Variants in CDK6 observed in about 807,000 individuals in gnomAD.
CDK6 encodes cyclin-dependent kinase 6.
A neutral mutation model predicts 37.1 loss-of-function variants in CDK6; 6 were observed. The observed-to-expected ratio is 0.16, with a 90% CI of 0.09 to 0.32. CDK6 has a LOEUF of 0.32. Ranked by LOEUF, CDK6 falls within the 10% of genes least tolerant of loss-of-function variation. CDK6 has a pLI of 1.00. For missense variants in CDK6, 224 were observed against 418.9 expected (o/e 0.53, Z 4.06); for synonymous variants, 160 against 161.3 (o/e 0.99, Z 0.06).
intron 4 of CDK6, among the ~76,000 whole-genome samples, chr7:92,701,167 G>A (rs1156611976): frequency 3.3e-5 from 5 of 152,202 alleles, no homozygotes; most frequent in Admixed American, 6.5e-5. Flanking sequence ...ACCAGGATCC[G>A]GAGAGGATCA....
chr7:92,681,134 T>A (rs78995809), intron 4 of CDK6, among the ~76,000 whole-genome samples: 1 of 152,172 alleles, frequency 6.6e-6, no homozygotes, highest in African/African-American at 2.4e-5. Context: ...TAACTTAATA[T>A]CTTTGAGTAA....
chr7:92,690,705 G>T (rs1300954663), intron 4 of CDK6, among the ~76,000 whole-genome samples: 1 of 152,032 alleles, frequency 6.6e-6, no homozygotes, highest in African/African-American at 2.4e-5. Flanking sequence ...ACAACGTATG[G>T]GGTTGAGCAC....
At chr7:92,755,182 C>T (rs987802567) in intron 3 of CDK6, among the ~76,000 whole-genome samples, 1 of 152,038 alleles carries the variant, frequency 6.6e-6, no homozygotes, top group African/African-American at 2.4e-5. Flanking sequence ...TGTTGATAGC[C>T]GACACTCCTT....
At chr7:92,713,291 A>G (rs1455250176) in intron 4 of CDK6, among the ~76,000 whole-genome samples, 2 of 152,252 alleles carry the variant, frequency 1.3e-5, no homozygotes, top group Non-Finnish European at 1.5e-5. Context: ...ATAAACCTGT[A>G]AAGTCTTTTA....
intron 5 of CDK6, among the ~76,000 whole-genome samples, chr7:92,664,939 C>G (rs1256078055): frequency 6.6e-6 from 1 of 152,004 alleles, no homozygotes; most frequent in African/African-American, 2.4e-5. Context: ...GAGCATGCCA[C>G]CACGCTCAGC....
intron 3 of CDK6, among the ~76,000 whole-genome samples, chr7:92,728,945 AT>A (rs1463517280): frequency 6.6e-6 from 1 of 152,196 alleles, no homozygotes; most frequent in African/African-American, 2.4e-5. Flanking sequence ...TGTAATAAGC[AT>A]GACTGGGGAA....
intron 3 of CDK6, among the ~76,000 whole-genome samples, chr7:92,753,333 G>C (rs764104730): frequency 2.0e-5 from 3 of 152,000 alleles, no homozygotes; most frequent in Non-Finnish European, 4.4e-5. Flanking sequence ...ATGAGGGCTC[G>C]CATTTATGTG....
intron 5 of CDK6, among the ~76,000 whole-genome samples, chr7:92,650,323 G>A (rs951006197): frequency 1.1e-4 from 17 of 152,194 alleles, no homozygotes; most frequent in African/African-American, 3.6e-4. Context: ...CAGATTTGGT[G>A]CTCATTACTG....
rs1795630651 is a variant in CDK6 at position 92,614,568 on chromosome 7, A to T, written c.*572T>A. 4.3e-6 allele frequency: 1 copy of T among 233,618 alleles called. No homozygotes were observed. The highest frequency in any genetic ancestry group is 2.2e-5 in the African/African-American group (1 of 45,352). The allele number at this position is 233,618 out of a possible 1,614,324, so 14.5% of individuals were successfully genotyped here. A position where few individuals can be genotyped will look rare whatever the true frequency, so the allele number is the denominator to read the frequency against. On this transcript the variant is annotated 3_prime_UTR_variant, in exon 8 of 8. Coordinates refer to ENST00000424848, the MANE Select transcript of CDK6 (RefSeq NM_001145306.2). ...GGGGTTAACTTTCTAATTTGAGAAG[A>T]CTATTTTGGTGAATCACCTTCAGTG...
intron 5 of CDK6, among the ~76,000 whole-genome samples, chr7:92,656,635 C>T (rs1796706076): frequency 6.6e-6 from 1 of 152,088 alleles, no homozygotes; most frequent in Non-Finnish European, 1.5e-5. Context: ...GTTACCAAGG[C>T]CAGACTCAAC....
chr7:92,704,942 G>A (rs1319325236), intron 4 of CDK6, among the ~76,000 whole-genome samples: 2 of 152,296 alleles, frequency 1.3e-5, no homozygotes, highest in Admixed American at 6.5e-5. Flanking sequence ...ATCATTTTAT[G>A]TTCCCTTCAA....
At chr7:92,757,916 C>G (rs1042253056) in intron 3 of CDK6, among the ~76,000 whole-genome samples, 2 of 152,110 alleles carry the variant, frequency 1.3e-5, no homozygotes, top group Non-Finnish European at 2.9e-5. Context: ...TGATATTAAG[C>G]TTTTTTTAAA....
intron 3 of CDK6, among the ~76,000 whole-genome samples, chr7:92,755,694 G>GT (rs1421553475): frequency 6.6e-6 from 1 of 152,158 alleles, no homozygotes; most frequent in Non-Finnish European, 1.5e-5. Flanking sequence ...AAGTGCATTA[G>GT]ATATAAAAAG....
At chr7:92,680,310 T>C (rs1044722375) in intron 4 of CDK6, among the ~76,000 whole-genome samples, 2 of 150,974 alleles carry the variant, frequency 1.3e-5, no homozygotes, top group African/African-American at 4.9e-5. Context: ...TGCATGCCTG[T>C]AATCCCAGCT....
intron 4 of CDK6, among the ~76,000 whole-genome samples, chr7:92,720,874 A>G (rs533148524): frequency 4.3e-4 from 66 of 152,344 alleles, no homozygotes; most frequent in African/African-American, 1.6e-3. Flanking sequence ...TGTACCGAAC[A>G]GGTGTATATT....
chr7:92,624,923 A>G (rs1215139652), intron 5 of CDK6, among the ~76,000 whole-genome samples: 1 of 152,008 alleles, frequency 6.6e-6, no homozygotes, highest in Non-Finnish European at 1.5e-5. Flanking sequence ...AATTAAGGGC[A>G]TAATATTCCC....
At chr7:92,670,968 A>T (rs1257439441) in intron 5 of CDK6, among the ~76,000 whole-genome samples, 1 of 152,230 alleles carries the variant, frequency 6.6e-6, no homozygotes, top group Non-Finnish European at 1.5e-5. Context: ...AGTAGCACTG[A>T]CATCCCCACT....
Position 92,612,622 on chromosome 7 carries a change from A to G in CDK6, c.*2518T>C, listed in dbSNP as rs564833103. 4.3e-6 allele frequency: 1 copy of G among 233,218 alleles called. No individual in the cohort carries two copies. The highest frequency in any genetic ancestry group is 6.0e-5 in the East Asian group (1 of 16,552). The allele number at this position is 233,218 out of a possible 1,614,324, so 14.4% of individuals were successfully genotyped here. Reference sequence around the variant, plus strand: ...CAGAAGATAATCTGCCAACGATTGAATGCCAGAATGTTTGTGCTTTAATTT... The same window carrying G: ...CAGAAGATAATCTGCCAACGATTGAGTGCCAGAATGTTTGTGCTTTAATTT... On this transcript the variant is annotated 3_prime_UTR_variant, in exon 8 of 8. Coordinates refer to ENST00000424848, the MANE Select transcript of CDK6 (RefSeq NM_001145306.2).
chr7:92,699,840 A>G (rs1797802975), intron 4 of CDK6, among the ~76,000 whole-genome samples: 2 of 152,228 alleles, frequency 1.3e-5, no homozygotes, highest in Admixed American at 1.3e-4. Context: ...CTGGATTCAA[A>G]TCCTGTCTCC....
Sources: allele counts gnomAD v4.1 joint callset (sites outside exome capture counted in the v4.1 genomes callset), GRCh38; gene constraint gnomAD v4.1.1; transcripts MANE v1.5; gene names NCBI Gene and HGNC (gene_info 2026-07-23, HGNC 2026-07-21).